NOS1AP: variants seen among roughly 807,000 people sequenced by gnomAD.
NOS1AP encodes the protein carboxyl-terminal PDZ ligand of neuronal nitric oxide synthase protein.
In NOS1AP, 21 loss-of-function variants were observed where a neutral mutation model predicts 56.2. The observed-to-expected ratio is 0.37, with a 90% CI of 0.26 to 0.54. The LOEUF (loss-of-function observed/expected upper bound fraction) is 0.54. NOS1AP is among the 20% of genes least tolerant of loss of function. NOS1AP has a pLI of 0.84. For missense variants in NOS1AP, 522 were observed against 657.8 expected (o/e 0.79, Z 2.26); for synonymous variants, 270 against 274.6 (o/e 0.98, Z 0.17).
chr1:162,276,993 A>G (rs1007745051), intron 2 of NOS1AP, among the ~76,000 whole-genome samples: 1 of 152,194 alleles, frequency 6.6e-6, no homozygotes, highest in African/African-American at 2.4e-5. Context: ...ACATATCCAA[A>G]TACCTTTTGG....
chr1:162,345,223 G>T (rs145086677), intron 6 of NOS1AP, among the ~76,000 whole-genome samples: 1,887 of 150,110 alleles, frequency 0.013, 27 homozygotes, highest in South Asian at 0.046. Context: ...AGTTACATAT[G>T]TATACATGTG....
At chr1:162,307,645 T>C (rs114828566) in intron 4 of NOS1AP, among the ~76,000 whole-genome samples, 2,570 of 151,992 alleles carry the variant, frequency 0.017, 60 homozygotes, top group East Asian at 0.069. Context: ...CTACTAAAAA[T>C]ACAGAAATAC....
intron 2 of NOS1AP, among the ~76,000 whole-genome samples, chr1:162,208,767 A>C (rs1182552614): frequency 6.6e-6 from 1 of 152,204 alleles, no homozygotes; most frequent in Non-Finnish European, 1.5e-5. Flanking sequence ...TAAATACTTT[A>C]GGGGAAATTT....
chr1:162,121,595 T>C (rs1448659597), intron 1 of NOS1AP, among the ~76,000 whole-genome samples: 5 of 152,146 alleles, frequency 3.3e-5, no homozygotes, highest in Non-Finnish European at 7.3e-5. Flanking sequence ...GCATATCATC[T>C]CCTGAGAGTC....
chr1:162,220,629 G>A (rs1053021976), intron 2 of NOS1AP, among the ~76,000 whole-genome samples: 4 of 152,144 alleles, frequency 2.6e-5, no homozygotes, highest in African/African-American at 9.7e-5. Context: ...TTGTCAGATG[G>A]ATGCTTTATC....
intron 2 of NOS1AP, among the ~76,000 whole-genome samples, chr1:162,261,539 A>AAGAGAG (rs138544090): frequency 0.2 from 3,316 of 16,916 alleles, 1,247 homozygotes; most frequent in African/African-American, 0.25. Flanking sequence ...AGAGAGAGAG[A>AAGAGAG]GAGAGAGCAA....
intron 2 of NOS1AP, among the ~76,000 whole-genome samples, chr1:162,191,058 G>A (rs147080519): frequency 6.6e-6 from 1 of 152,222 alleles, no homozygotes; most frequent in African/African-American, 2.4e-5. Flanking sequence ...GGCCCTGTGT[G>A]GGAGACTCTG....
At chr1:162,137,720 G>T (rs889862439) in intron 1 of NOS1AP, among the ~76,000 whole-genome samples, 16 of 151,796 alleles carry the variant, frequency 1.1e-4, no homozygotes, top group African/African-American at 3.6e-4. Context: ...GGTTGCTCAG[G>T]GTCTCCCTTG....
At position 162,329,381 on chromosome 1, in the gene NOS1AP, GAGAA is replaced by G. The variant is rs201893995; in HGVS notation, c.345-3634_345-3631del. Reference sequence around the variant, plus strand: ...AAAAAAAGAGAGAGAGAGAGAGAGAGAGAAAAGAAATTTAAAGGAGAAGAAATTT... The same window carrying G: ...AAAAAAAGAGAGAGAGAGAGAGAGAGAAGAAATTTAAAGGAGAAGAAATTT... On this transcript the variant is annotated intron_variant, in intron 4 of 9. Transcript: ENST00000361897. Among the ~76,000 whole-genome samples, 768 of 149,988 alleles carry G rather than the reference GAGAA, an allele frequency of 5.1e-3. 7 individuals carry two copies. Among genetic ancestry groups the G allele is most frequent in the African/African-American group, 0.018 (719 of 39,856 alleles).
At chr1:162,315,699 C>T (rs1487743985) in intron 4 of NOS1AP, among the ~76,000 whole-genome samples, 3 of 152,170 alleles carry the variant, frequency 2.0e-5, no homozygotes, top group African/African-American at 7.2e-5. Context: ...TGGCAGTCAC[C>T]ATGATCAAAC....
chr1:162,289,365 T>C (rs933146909), intron 3 of NOS1AP, among the ~76,000 whole-genome samples: 4 of 151,608 alleles, frequency 2.6e-5, no homozygotes, highest in Admixed American at 1.3e-4. Flanking sequence ...TGATGCAATC[T>C]TGGCTCACTG....
At chr1:162,154,503 G>A (rs1251437087) in intron 2 of NOS1AP, 27 bp downstream of exon 2, 5 of 1,611,966 alleles carry the variant, frequency 3.1e-6, no homozygotes, top group Non-Finnish European at 3.4e-6. Flanking sequence ...GGACTGTGTG[G>A]AGCGGGGAGT....
At chr1:162,189,374 AT>A (rs140883110) in intron 2 of NOS1AP, among the ~76,000 whole-genome samples, 5,356 of 152,296 alleles carry the variant, frequency 0.035, 136 homozygotes, top group Non-Finnish European at 0.049. Flanking sequence ...AAAAACTGGT[AT>A]TTTTTGTTAG....
intron 2 of NOS1AP, among the ~76,000 whole-genome samples, chr1:162,180,895 A>G (rs1651234767): frequency 6.6e-6 from 1 of 152,200 alleles, no homozygotes; most frequent in Admixed American, 6.5e-5. Context: ...TAAGCCTTGA[A>G]GTTTGTGGCC....
At chr1:162,286,365 A>T (rs923883094) in intron 2 of NOS1AP, among the ~76,000 whole-genome samples, 31 of 152,306 alleles carry the variant, frequency 2.0e-4, no homozygotes, top group African/African-American at 6.0e-4. Flanking sequence ...GGTCTTGTGT[A>T]TCTTAATTTT....
chr1:162,231,690 G>C (rs184951038), intron 2 of NOS1AP, among the ~76,000 whole-genome samples: 1 of 152,128 alleles, frequency 6.6e-6, no homozygotes, highest in African/African-American at 2.4e-5. Flanking sequence ...AGTGACTACA[G>C]GGTTCCTCTC....
intron 2 of NOS1AP, among the ~76,000 whole-genome samples, chr1:162,179,713 G>A (rs1430039943): frequency 6.6e-6 from 1 of 152,194 alleles, no homozygotes. Context: ...TGGACCTAGA[G>A]GTGAGAGAGC....
chr1:162,328,470 A>T (rs752098760), intron 4 of NOS1AP, among the ~76,000 whole-genome samples: 13 of 152,224 alleles, frequency 8.5e-5, no homozygotes, highest in Non-Finnish European at 1.8e-4. Flanking sequence ...ATCCCTAAGG[A>T]TGGAACTAGA....
chr1:162,090,143 T>C (rs1164758783), intron 1 of NOS1AP, among the ~76,000 whole-genome samples: 1 of 99,502 alleles, frequency 1.0e-5, no homozygotes, highest in East Asian at 2.5e-4. Context: ...GGAAACAATA[T>C]TCCCTGATTT....
Sources: gnomAD v4.1 joint callset for allele counts (sites outside exome capture counted in the v4.1 genomes callset) on GRCh38, gnomAD v4.1.1 for gene constraint, MANE v1.5 for transcripts, NCBI Gene and HGNC (gene_info 2026-07-23, HGNC 2026-07-21) for gene names.